The following FAM227B variants were observed in gnomAD, a reference collection of about 807,000 sequenced individuals.
FAM227B encodes the protein family with sequence similarity 227 member B.
FAM227B carries 88 observed loss-of-function variants against 73.8 expected under a neutral mutation model. The observed-to-expected ratio is 1.19, with a 90% CI of 1.00 to 1.42. The LOEUF (loss-of-function observed/expected upper bound fraction) is 1.42, where lower values mean the gene tolerates loss of function less well. Among genes scored for constraint, FAM227B ranks in the 40% most tolerant of loss-of-function variants. FAM227B has a pLI of 0.00. For missense variants in FAM227B, 632 were observed against 590.9 expected (o/e 1.07, Z -0.72); for synonymous variants, 210 against 190.5 (o/e 1.10, Z -0.84).
intron 11 of FAM227B, chr15:49,395,954 C>G (rs2047558256): frequency 4.4e-6 from 2 of 455,804 alleles, no homozygotes; most frequent in East Asian, 1.4e-4. Flanking sequence ...CAGAGGAGAA[C>G]AAAATGTGGG....
In FAM227B at chr15:49,387,013, A is replaced by C. The variant is rs78396991; in HGVS notation, c.1013-15614T>G. Among the ~76,000 whole-genome samples the C allele has an allele frequency of 4.3e-3, 660 of 151,788 alleles. 10 individuals are homozygous for C. Among genetic ancestry groups the C allele is most frequent in the African/African-American group, 0.015 (630 of 41,498 alleles). On this transcript the variant is annotated intron_variant, in intron 11 of 15. Coordinates refer to ENST00000299338, the MANE Select transcript of FAM227B (RefSeq NM_152647.3). ...TTGAATCAGTAATTTAAAAATTGTC[A>C]ACAAAATAAAAGCCCAGGACCAGAT...
chr15:49,459,010 T>C (rs2053561895), intron 11 of FAM227B, among the ~76,000 whole-genome samples: 1 of 152,200 alleles, frequency 6.6e-6, no homozygotes, highest in Non-Finnish European at 1.5e-5. Flanking sequence ...TTCATTTCTA[T>C]TAAAAAACAC....
chr15:49,522,373 T>G (rs2059853286), intron 10 of FAM227B, among the ~76,000 whole-genome samples: 1 of 152,138 alleles, frequency 6.6e-6, no homozygotes, highest in South Asian at 2.1e-4. Flanking sequence ...GTGCAAAAAC[T>G]CTGGAAGCAA....
chr15:49,487,515 G>A (rs1360423076), intron 11 of FAM227B: 1 of 151,814 alleles, frequency 6.6e-6, no homozygotes, highest in Non-Finnish European at 1.5e-5. Flanking sequence ...GGATGCTGGA[G>A]GTAAATTCTT....
chr15:49,473,679 T>C lies in FAM227B; in HGVS notation c.1012+34532A>G, dbSNP rs888135470. Among the ~76,000 whole-genome samples the C allele has an allele frequency of 5.9e-5, 9 of 152,156 alleles. No homozygotes were observed. The East Asian group carries it at 1.5e-3, about 26-fold the overall frequency. ...TAGAAGAATAAAACTATTTCTCTTATTTCAACATTTGGAAACCAAAGAAAT... is the reference window on the plus strand; with the variant it reads ...TAGAAGAATAAAACTATTTCTCTTACTTCAACATTTGGAAACCAAAGAAAT... On this transcript the variant is annotated intron_variant, in intron 11 of 15. Coordinates refer to ENST00000299338, the MANE Select transcript of FAM227B (RefSeq NM_152647.3).
intron 9 of FAM227B, among the ~76,000 whole-genome samples, chr15:49,559,633 G>C (rs989624152): frequency 6.6e-6 from 1 of 152,010 alleles, no homozygotes; most frequent in Non-Finnish European, 1.5e-5. Flanking sequence ...GCAGGAACTA[G>C]CATAAGAATT....
rs191495430 is a variant in FAM227B, at chr15:49,391,582, G to A, written c.1013-20183C>T. 3.0e-4 allele frequency among the ~76,000 whole-genome samples: 45 copies of A among 152,110 alleles called. No homozygotes were observed. The East Asian group carries it at 3.1e-3, about 10-fold the overall frequency. On this transcript the variant is annotated intron_variant, in intron 11 of 15. Coordinates refer to ENST00000299338, the MANE Select transcript of FAM227B (RefSeq NM_152647.3). ...TCTTTGTTCTAAATTTTTTCCTGAC[G>A]GGCCTGGAGAGAGTAATGCCCACAG...
At chr15:49,619,343 A>AG (rs2078506765) in intron 1 of FAM227B, among the ~76,000 whole-genome samples, 1 of 152,216 alleles carries the variant, frequency 6.6e-6, no homozygotes, top group Non-Finnish European at 1.5e-5. Context: ...AGCAAAAGAA[A>AG]GTGGGGGAAG....
intron 11 of FAM227B, among the ~76,000 whole-genome samples, chr15:49,472,595 T>G (rs2054875838): frequency 6.6e-6 from 1 of 152,148 alleles, no homozygotes; most frequent in Admixed American, 6.6e-5. Flanking sequence ...TGGGAACAAT[T>G]AAAAGTCTTT....
At chr15:49,366,327 G>C (rs959821856) in intron 13 of FAM227B, 3 of 786,824 alleles carry the variant, frequency 3.8e-6, no homozygotes, top group Non-Finnish European at 7.1e-6. Context: ...GTAGGAAATA[G>C]GATACTGTTA....
chr15:49,582,783 C>T (rs2075897348), intron 5 of FAM227B, among the ~76,000 whole-genome samples: 1 of 152,012 alleles, frequency 6.6e-6, no homozygotes, highest in African/African-American at 2.4e-5. Flanking sequence ...GTCTCTTGGA[C>T]CATGCAGCAA....
At chr15:49,518,099 G>T (rs2059507419) in intron 10 of FAM227B, among the ~76,000 whole-genome samples, 1 of 151,974 alleles carries the variant, frequency 6.6e-6, no homozygotes. Context: ...TGAACATTTT[G>T]CTCTTTTTTC....
chr15:49,573,650 A>G (rs1390778282), intron 8 of FAM227B, among the ~76,000 whole-genome samples: 1 of 152,146 alleles, frequency 6.6e-6, no homozygotes, highest in African/African-American at 2.4e-5. Flanking sequence ...CCTTCACCAC[A>G]TGCCGGTCCC....
chr15:49,558,392 G>T (rs1188239069), intron 9 of FAM227B, among the ~76,000 whole-genome samples: 1 of 152,168 alleles, frequency 6.6e-6, no homozygotes, highest in Non-Finnish European at 1.5e-5. Flanking sequence ...AGCACTGCTT[G>T]GGTAAAAGTG....
At chr15:49,365,782 A>G (rs2045061013) in intron 13 of FAM227B, 3 of 853,418 alleles carry the variant, frequency 3.5e-6, no homozygotes, top group Non-Finnish European at 6.1e-6. Context: ...AGCCCAAACA[A>G]TAGCTATTGC....
chr15:49,419,732 C>A (rs1266447450), intron 11 of FAM227B, among the ~76,000 whole-genome samples: 4 of 152,112 alleles, frequency 2.6e-5, no homozygotes, highest in Non-Finnish European at 5.9e-5. Context: ...TGGGACCAAA[C>A]CTGTGTTTCA....
chr15:49,332,464 T>C (rs1052261133), intron 14 of FAM227B, among the ~76,000 whole-genome samples: 1 of 152,156 alleles, frequency 6.6e-6, no homozygotes, highest in Non-Finnish European at 1.5e-5. Flanking sequence ...CAAGTATTCA[T>C]TCAAGAAATA....
chr15:49,417,738 T>C (rs1194276430), intron 11 of FAM227B, among the ~76,000 whole-genome samples: 2 of 152,104 alleles, frequency 1.3e-5, no homozygotes, highest in African/African-American at 4.8e-5. Context: ...ACCTAGTAAA[T>C]ACCATTCTGG....
chr15:49,593,940 A>G (rs36048625), intron 3 of FAM227B, among the ~76,000 whole-genome samples: 18,990 of 152,188 alleles, frequency 0.12, 1,483 homozygotes, highest in East Asian at 0.36. Flanking sequence ...CTCTGGGTAC[A>G]TATCTAATAG....
Sources: allele counts gnomAD v4.1 joint callset (sites outside exome capture counted in the v4.1 genomes callset), GRCh38; gene constraint gnomAD v4.1.1; transcripts MANE v1.5; gene names NCBI Gene and HGNC (gene_info 2026-07-23, HGNC 2026-07-21).